CSNK1G2: variants seen among roughly 807,000 people sequenced by gnomAD.
CSNK1G2 encodes casein kinase I isoform gamma-2.
Under a neutral mutation model 48.0 loss-of-function variants are expected in CSNK1G2, and 11 were observed. That is an observed-to-expected ratio of 0.23 (90% CI 0.14 to 0.38). The LOEUF (loss-of-function observed/expected upper bound fraction) is 0.38. CSNK1G2 is among the 10% of genes least tolerant of loss of function. The pLI is 1.00. For synonymous variants in CSNK1G2, 337 were observed against 254.1 expected (o/e 1.33, Z -3.10); for missense variants, 446 against 595.5 (o/e 0.75, Z 2.61).
At chr19:1,944,005 C>CT (rs2014463381) in intron 1 of CSNK1G2, among the ~76,000 whole-genome samples, 1 of 152,206 alleles carries the variant, frequency 6.6e-6, no homozygotes, top group South Asian at 2.1e-4. Context: ...GGCTGGCTGA[C>CT]TTTCTCTGAA....
rs1419127622 is a variant in CSNK1G2, at chr19:1,960,938, G to A, written c.-265-8570G>A. ...GACGTTTCAGCCCCCTCTTCCTGTG[G>A]ATGCTGAGAGGGTTTCCAGAAGAAG... On this transcript the variant is annotated intron_variant, in intron 1 of 11. Coordinates refer to ENST00000255641, the MANE Select transcript of CSNK1G2 (RefSeq NM_001319.7). 2.6e-5 allele frequency among the ~76,000 whole-genome samples: 4 copies of A among 152,248 alleles called. No homozygotes were observed. In the East Asian group the frequency reaches 5.8e-4, roughly 22 times the overall value.
At chr19:1,949,480 G>A (rs904236162) in intron 1 of CSNK1G2, among the ~76,000 whole-genome samples, 15 of 152,332 alleles carry the variant, frequency 9.8e-5, no homozygotes, top group African/African-American at 2.9e-4. Context: ...TCCGAGTCTC[G>A]CTCCTGTTCG....
chr19:1,969,790 A>T lies in CSNK1G2; in HGVS notation c.18A>T (p.Lys6Asn). The change falls in exon 2 of 12, where the codon AAA (lysine) becomes AAT (asparagine). Residue 6 changes from lysine to asparagine, a missense_variant. This residue lies in a region of CSNK1G2 where 258 missense variants were observed against 415.9 expected (regional missense o/e 0.62). Coordinates refer to ENST00000255641, the MANE Select transcript of CSNK1G2 (RefSeq NM_001319.7). Reference sequence around the variant, plus strand: ...ACAAACTTATGGATTTTGACAAGAAAGGAGGGAAAGGGGAGACGGAGGAGG... The same window carrying T: ...ACAAACTTATGGATTTTGACAAGAATGGAGGGAAAGGGGAGACGGAGGAGG... Reference protein sequence around the residue: MDFDKKGGKGETEEGR... With the variant: MDFDKNGGKGETEEGR... The T allele has an allele frequency of 7.6e-7, 1 of 1,307,896 alleles. No individual in the cohort carries two copies. Among genetic ancestry groups the T allele is most frequent in the African/African-American group, 1.5e-5 (1 of 66,440 alleles). 81.0% of individuals were successfully genotyped at this position (1,307,896 alleles called of 1,614,324 possible).
rs1340671914 is a variant in CSNK1G2, at chr19:1,957,051, G to A, written c.-265-12457G>A. 6.6e-6 allele frequency among the ~76,000 whole-genome samples: 1 copy of A among 152,200 alleles called. No individual in the cohort carries two copies. The highest frequency in any genetic ancestry group is 1.5e-5 in the Non-Finnish European group (1 of 68,030). ...GGTGGCGCCCCCCTTCGACGGTCGTGCCCTGATGCTGCGTGGCTTAAACGG... is the reference window on the plus strand; with the variant it reads ...GGTGGCGCCCCCCTTCGACGGTCGTACCCTGATGCTGCGTGGCTTAAACGG... On this transcript the variant is annotated intron_variant, in intron 1 of 11. Coordinates refer to ENST00000255641, the MANE Select transcript of CSNK1G2 (RefSeq NM_001319.7). The surrounding 1 kb of genome is among the most constrained non-coding windows in gnomAD (Gnocchi z 5.4).
chr19:1,941,841 CT>C (rs2014376477), intron 1 of CSNK1G2, among the ~76,000 whole-genome samples: 1 of 150,228 alleles, frequency 6.7e-6, no homozygotes, highest in Non-Finnish European at 1.5e-5. Context: ...TCCGCTGAGC[CT>C]TTAGTCCCCA....
chr19:1,979,121 G>A (rs761426026), intron 6 of CSNK1G2, 28 bp downstream of exon 6: 28 of 1,573,718 alleles, frequency 1.8e-5, no homozygotes, highest in South Asian at 4.5e-5. Context: ...GGCGGGGGGC[G>A]GGCGCCCGGA....
intron 1 of CSNK1G2, among the ~76,000 whole-genome samples, chr19:1,967,370 C>T (rs1369205666): frequency 1.3e-5 from 2 of 152,202 alleles, no homozygotes; most frequent in Admixed American, 6.5e-5. Context: ...CAGGAAACCT[C>T]TTCCCCTGCA....
intron 1 of CSNK1G2, among the ~76,000 whole-genome samples, chr19:1,964,748 A>T (rs2015311098): frequency 1.3e-5 from 2 of 149,002 alleles, no homozygotes; most frequent in Non-Finnish European, 3.0e-5. Context: ...TTTTTTTGAG[A>T]CTGATTCTCG....
At chr19:1,965,191 C>A (rs1037424938) in intron 1 of CSNK1G2, among the ~76,000 whole-genome samples, 1 of 149,514 alleles carries the variant, frequency 6.7e-6, no homozygotes, top group Non-Finnish European at 1.5e-5. Flanking sequence ...GTCAGGAGAT[C>A]GAGACCACAG....
intron 1 of CSNK1G2, chr19:1,952,516 G>A (rs924009805): frequency 6.5e-6 from 1 of 152,970 alleles, no homozygotes; most frequent in South Asian, 2.0e-4. Context: ...AGAGACCGGG[G>A]TTACACCATG....
At chr19:1,966,488 C>T (rs1342996393) in intron 1 of CSNK1G2, among the ~76,000 whole-genome samples, 2 of 152,184 alleles carry the variant, frequency 1.3e-5, no homozygotes, top group African/African-American at 4.8e-5. Context: ...GGAGTTGCTT[C>T]AGTTGCGCTC....
In CSNK1G2 at chr19:1,942,910, G is replaced by T. The variant is rs145457822; in HGVS notation, c.-266+1492G>T. Among the ~76,000 whole-genome samples the T allele has an allele frequency of 3.7e-3, 557 of 152,258 alleles. 1 individual carries two copies. The highest frequency in any genetic ancestry group is 0.013 in the African/African-American group (531 of 41,546). ...CTGGGCTGACTGATGAGTTTCCCAG[G>T]CAGGCAGCCCCCGGGAGTGTGTGCA... On this transcript the variant is annotated intron_variant, in intron 1 of 11. Transcript: ENST00000255641.
At chr19:1,970,802 A>G (rs1225994699) in intron 2 of CSNK1G2, among the ~76,000 whole-genome samples, 1 of 152,120 alleles carries the variant, frequency 6.6e-6, no homozygotes, top group Non-Finnish European at 1.5e-5. Flanking sequence ...CGTGGTGGGA[A>G]TCAGGGTCCC....
intron 1 of CSNK1G2, among the ~76,000 whole-genome samples, chr19:1,963,212 C>T (rs1163728046): frequency 3.3e-5 from 5 of 152,002 alleles, no homozygotes; most frequent in African/African-American, 1.2e-4. Flanking sequence ...ACAGTACTCT[C>T]GTGAGTTTAT....
At chr19:1,959,890 C>G (rs1288168937) in intron 1 of CSNK1G2, among the ~76,000 whole-genome samples, 3 of 152,014 alleles carry the variant, frequency 2.0e-5, no homozygotes, top group Admixed American at 6.6e-5. Context: ...AGCACCCGCC[C>G]CACCTTTAGT....
Position 1,957,042 on chromosome 19 carries a change from G to A in CSNK1G2, c.-265-12466G>A, listed in dbSNP as rs544637634. The stretch of plus-strand genomic sequence containing the variant: ...AAGGCTGGTGGTGGCGCCCCCCTTC[G>A]ACGGTCGTGCCCTGATGCTGCGTGG... On this transcript the variant is annotated intron_variant, in intron 1 of 11. Coordinates refer to ENST00000255641, the MANE Select transcript of CSNK1G2 (RefSeq NM_001319.7). This position sits in a 1 kb window ranked among gnomAD's most constrained non-coding sequence, Gnocchi z 5.4. Among the ~76,000 whole-genome samples, 12 of 152,310 alleles carry A rather than the reference G, an allele frequency of 7.9e-5. No homozygotes were observed. The highest frequency in any genetic ancestry group is 2.9e-4 in the African/African-American group (12 of 41,574).
At chr19:1,949,589 C>T (rs972106914) in intron 1 of CSNK1G2, among the ~76,000 whole-genome samples, 2 of 152,220 alleles carry the variant, frequency 1.3e-5, no homozygotes, top group African/African-American at 4.8e-5. Flanking sequence ...CACCCGTGTC[C>T]GGTTCCCGTG....
intron 1 of CSNK1G2, among the ~76,000 whole-genome samples, chr19:1,956,041 C>T (rs897494583): frequency 2.0e-5 from 3 of 152,214 alleles, no homozygotes; most frequent in African/African-American, 7.2e-5. Context: ...CTCCCGACAG[C>T]GTTGGGTCCC....
chr19:1,948,755 T>TA (rs1190199613), intron 1 of CSNK1G2, among the ~76,000 whole-genome samples: 2 of 152,092 alleles, frequency 1.3e-5, no homozygotes, highest in Non-Finnish European at 2.9e-5. Context: ...TGTAGCAAAA[T>TA]ACCCTCGTAT....
Sources: gnomAD v4.1 joint callset for allele counts (sites outside exome capture counted in the v4.1 genomes callset) on GRCh38, gnomAD v4.1.1 for gene constraint, gnomAD v4.1.1 regional missense constraint, Gnocchi (gnomAD v3.1) non-coding constraint, MANE v1.5 for transcripts, NCBI Gene and HGNC (gene_info 2026-07-23, HGNC 2026-07-21) for gene names.